TARS3: variants seen among roughly 807,000 people sequenced by gnomAD.
TARS3 encodes the protein threonyl-tRNA synthetase 3, also known as threonine--tRNA ligase 2, cytoplasmic.
A neutral mutation model predicts 103.5 loss-of-function variants in TARS3; 94 were observed. The ratio of observed to expected loss-of-function variants is 0.91; its 90% CI spans 0.77 to 1.08. The LOEUF is 1.08. Ranked by LOEUF, TARS3 falls within the 50% of genes least tolerant of loss-of-function variation. The pLI is 0.00. For synonymous variants in TARS3, 416 were observed against 355.4 expected (o/e 1.17, Z -1.92); for missense variants, 952 against 995.2 (o/e 0.96, Z 0.58).
intron 3 of TARS3, among the ~76,000 whole-genome samples, chr15:101,718,988 G>A (rs561564698): frequency 1.6e-4 from 25 of 152,286 alleles, no homozygotes; most frequent in African/African-American, 2.4e-4. Context: ...GGACAAACTC[G>A]TGCACTTCAG....
At chr15:101,664,012 A>G (rs1290364574) in intron 15 of TARS3, among the ~76,000 whole-genome samples, 1 of 152,012 alleles carries the variant, frequency 6.6e-6, no homozygotes, top group Non-Finnish European at 1.5e-5. Context: ...TTAGGGAAAA[A>G]CCCTTACTCA....
chr15:101,707,009 A>G, intron 6 of TARS3, among the ~76,000 whole-genome samples: 1 of 152,238 alleles, frequency 6.6e-6, no homozygotes, highest in East Asian at 1.9e-4. Context: ...AATGGGCAAA[A>G]GAGCTCAACA....
Position 101,685,976 on chromosome 15 carries a change from CT to C in TARS3, c.1406del (p.Gln469ArgfsTer22). ...AGGTAAACATGTTCTCGCTGTAATG[CT>C]GCCAGTGGCCTGAGGCTTCCCAGAG... Reference protein sequence around the residue: ...SKLWEASGHWQHYSENMFTFE... With the variant: ...SKLWEASGHWXHYSENMFTFE... On this transcript the variant is annotated frameshift_variant, in exon 11 of 19. Coordinates refer to ENST00000335968, the MANE Select transcript of TARS3 (RefSeq NM_152334.3). LOFTEE classifies it high-confidence loss of function. 5.6e-6 allele frequency: 9 copies of C among 1,614,076 alleles called. No individual in the cohort carries two copies. Among genetic ancestry groups the C allele is most frequent in the Non-Finnish European group, 7.6e-6 (9 of 1,179,916 alleles).
intron 3 of TARS3, 30 bp from the exon 4 acceptor site, chr15:101,714,993 A>C: frequency 6.3e-7 from 1 of 1,592,228 alleles, no homozygotes; most frequent in East Asian, 2.2e-5. Flanking sequence ...TTGGGAGTTA[A>C]CTTTATCACT....
rs183638982 is a variant in TARS3, at chr15:101,688,199, C to A, written c.1321-2137G>T. Among the ~76,000 whole-genome samples the A allele has an allele frequency of 2.5e-3, 375 of 152,158 alleles. 3 individuals are homozygous for A. The highest frequency in any genetic ancestry group is 6.8e-3 in the Middle Eastern group (2 of 294). ...ACATATAAATAACAGAGAGATAAAG[C>A]AAACTGGCAAAATATTACCAACTAA... On this transcript the variant is annotated intron_variant, in intron 10 of 18. Coordinates refer to ENST00000335968, the MANE Select transcript of TARS3 (RefSeq NM_152334.3).
At chr15:101,691,733 T>C (rs997372456) in intron 10 of TARS3, among the ~76,000 whole-genome samples, 4 of 152,182 alleles carry the variant, frequency 2.6e-5, no homozygotes, top group Non-Finnish European at 5.9e-5. Context: ...TAAATATAAT[T>C]TTGTTAACTT....
Position 101,721,329 on chromosome 15 carries a change from A to G in TARS3, c.370-7T>C. ...AAATTGGTTGATGCTTCACCTGGAA[A>G]TTATTAGAACATAATGAGATTAATA... On this transcript the variant is annotated splice_polypyrimidine_tract_variant and splice_region_variant and intron_variant, in intron 2 of 18. Transcript: ENST00000335968. The G allele has an allele frequency of 1.9e-6, 3 of 1,604,878 alleles. No homozygotes were observed. The highest frequency in any genetic ancestry group is 2.6e-6 in the Non-Finnish European group (3 of 1,172,038).
chr15:101,688,527 T>C (rs181331790), intron 10 of TARS3, among the ~76,000 whole-genome samples: 110 of 152,298 alleles, frequency 7.2e-4, no homozygotes, highest in Non-Finnish European at 1.4e-3. Flanking sequence ...ATCTGGCCAC[T>C]TAAAAACATC....
At chr15:101,706,578 C>G (rs78441771) in intron 6 of TARS3, among the ~76,000 whole-genome samples, 1 of 152,112 alleles carries the variant, frequency 6.6e-6, no homozygotes, top group African/African-American at 2.4e-5. Context: ...CTAATTTTAA[C>G]ATTAATCAAT....
intron 15 of TARS3, among the ~76,000 whole-genome samples, chr15:101,666,714 C>T (rs1342382214): frequency 1.3e-5 from 2 of 152,042 alleles, no homozygotes; most frequent in Non-Finnish European, 2.9e-5. Context: ...AACCGACCTG[C>T]TTTAAATAAA....
chr15:101,710,640 T>C (rs1357971880), intron 5 of TARS3, among the ~76,000 whole-genome samples: 1 of 152,236 alleles, frequency 6.6e-6, no homozygotes, highest in Non-Finnish European at 1.5e-5. Context: ...AAACACAGTT[T>C]CATGCTTGTG....
intron 12 of TARS3, among the ~76,000 whole-genome samples, chr15:101,679,797 G>A (rs1258293852): frequency 3.9e-5 from 6 of 152,186 alleles, no homozygotes; most frequent in Non-Finnish European, 7.3e-5. Context: ...AGGGAGGACA[G>A]TACTGGACAG....
chr15:101,661,627 A>G, intron 16 of TARS3, 85 bp downstream of exon 16: 1 of 870,044 alleles, frequency 1.1e-6, no homozygotes, highest in Non-Finnish European at 1.7e-6. Context: ...AAGAATAGAA[A>G]TATTTTTAAA....
At chr15:101,695,196 G>A (rs1338281912) in intron 10 of TARS3, among the ~76,000 whole-genome samples, 6 of 152,064 alleles carry the variant, frequency 3.9e-5, no homozygotes, top group Non-Finnish European at 5.9e-5. Flanking sequence ...ACAGTCATGC[G>A]ACTTCTGCCA....
At chr15:101,690,123 A>C (rs922366660) in intron 10 of TARS3, among the ~76,000 whole-genome samples, 22 of 152,284 alleles carry the variant, frequency 1.4e-4, no homozygotes, top group African/African-American at 5.3e-4. Context: ...GTGTCCTCCA[A>C]GCAAAAGGCA....
chr15:101,697,866 C>G (rs1029281077), intron 10 of TARS3, among the ~76,000 whole-genome samples: 1 of 152,076 alleles, frequency 6.6e-6, no homozygotes, highest in Non-Finnish European at 1.5e-5. Flanking sequence ...AAAGAAGGAT[C>G]GGTGTCAGAA....
intron 10 of TARS3, among the ~76,000 whole-genome samples, chr15:101,690,266 G>T (rs1307814981): frequency 6.6e-6 from 1 of 152,062 alleles, no homozygotes; most frequent in Non-Finnish European, 1.5e-5. Flanking sequence ...TGACTTCTGT[G>T]GGCTCCGCAC....
intron 13 of TARS3, 42 bp from the exon 14 acceptor site, chr15:101,671,790 CTTTTT>C: frequency 7.4e-7 from 1 of 1,349,208 alleles, no homozygotes; most frequent in Non-Finnish European, 1.0e-6. Context: ...TACACTGTAT[CTTTTT>C]TTTTTACATA....
intron 15 of TARS3, among the ~76,000 whole-genome samples, chr15:101,668,300 C>T (rs1897659941): frequency 6.6e-6 from 1 of 151,902 alleles, no homozygotes; most frequent in Admixed American, 6.6e-5. Flanking sequence ...TATTAATTAG[C>T]CTAATTTCAA....
Sources: gnomAD v4.1 joint callset for allele counts (sites outside exome capture counted in the v4.1 genomes callset) on GRCh38, gnomAD v4.1.1 for gene constraint, MANE v1.5 for transcripts, NCBI Gene and HGNC (gene_info 2026-07-23, HGNC 2026-07-21) for gene names.